The following NAPEPLD variants were observed in gnomAD, a reference collection of about 807,000 sequenced individuals.
The protein encoded by NAPEPLD is N-acyl phosphatidylethanolamine phospholipase D.
In NAPEPLD, 23 loss-of-function variants were observed where a neutral mutation model predicts 38.1. The observed-to-expected ratio is 0.60, with a 90% confidence interval of 0.43 to 0.86. NAPEPLD has a LOEUF of 0.86. NAPEPLD is among the 40% of genes least tolerant of loss of function. NAPEPLD has a pLI of 0.00. For synonymous variants in NAPEPLD, 147 were observed against 162.0 expected (o/e 0.91, Z 0.71); for missense variants, 411 against 476.8 (o/e 0.86, Z 1.28).
chr7:103,107,636 GAAGA>G (rs1803646041), intron 4 of NAPEPLD, among the ~76,000 whole-genome samples: 1 of 151,884 alleles, frequency 6.6e-6, no homozygotes, highest in South Asian at 2.1e-4. Context: ...CGATCAAGCA[GAAGA>G]AAGGATATCA....
chr7:103,129,337 A>G, intron 1 of NAPEPLD: 9 of 984,928 alleles, frequency 9.1e-6, no homozygotes, highest in Non-Finnish European at 1.1e-5. Context: ...CTGTAATCCA[A>G]AACAACATAT....
At chr7:103,107,747 TA>T (rs1424766453) in intron 4 of NAPEPLD, among the ~76,000 whole-genome samples, 12 of 64,678 alleles carry the variant, frequency 1.9e-4, no homozygotes, top group African/African-American at 7.0e-4. Context: ...AATATGTGAC[TA>T]TGTGAAAAGA....
At chr7:103,137,197 A>G (rs1810254263) in intron 1 of NAPEPLD, among the ~76,000 whole-genome samples, 2 of 152,238 alleles carry the variant, frequency 1.3e-5, no homozygotes, top group Non-Finnish European at 2.9e-5. Flanking sequence ...TTGGCCTCCC[A>G]AAGTGCTGGG....
intron 1 of NAPEPLD, among the ~76,000 whole-genome samples, chr7:103,148,315 G>C (rs140521107): frequency 1.1e-3 from 164 of 151,882 alleles, no homozygotes; most frequent in African/African-American, 3.8e-3. Context: ...TAAAGGCAAA[G>C]ACAAGAACTA....
Position 103,103,257 on chromosome 7 carries a change from A to C in NAPEPLD, c.*172T>G. On this transcript the variant is annotated 3_prime_UTR_variant, in exon 5 of 5. Coordinates refer to ENST00000465647, the MANE Select transcript of NAPEPLD (RefSeq NM_001122838.3). ...ACCCCTGAACCCTCTCATAGTGTACATGAGCTGATCATACTAGGAAGCAAG... is the reference window on the plus strand; with the variant it reads ...ACCCCTGAACCCTCTCATAGTGTACCTGAGCTGATCATACTAGGAAGCAAG... 1 of 689,464 alleles carries C rather than the reference A, an allele frequency of 1.5e-6. No individual in the cohort carries two copies. The highest frequency in any genetic ancestry group is 3.6e-5 in the Admixed American group (1 of 27,692). The allele number at this position is 689,464 out of a possible 1,614,324, so 42.7% of individuals were successfully genotyped here.
intron 1 of NAPEPLD, among the ~76,000 whole-genome samples, chr7:103,143,525 G>A (rs1248299716): frequency 6.6e-6 from 1 of 152,102 alleles, no homozygotes; most frequent in Non-Finnish European, 1.5e-5. Context: ...AATGTGATAC[G>A]AGCCTTTTAT....
intron 1 of NAPEPLD, among the ~76,000 whole-genome samples, chr7:103,135,450 A>G (rs539185696): frequency 6.6e-6 from 1 of 152,344 alleles, no homozygotes; most frequent in South Asian, 2.1e-4. Context: ...GAGGGCAGAT[A>G]CATCCAAGCA....
At chr7:103,138,897 A>G (rs1178827774) in intron 1 of NAPEPLD, among the ~76,000 whole-genome samples, 1 of 152,204 alleles carries the variant, frequency 6.6e-6, no homozygotes, top group African/African-American at 2.4e-5. Context: ...CGGCTGCACC[A>G]AAGAGCCAGC....
Position 103,118,536 on chromosome 7 carries a change from A to G in NAPEPLD, c.941+1041T>C, listed in dbSNP as rs573764304. Among the ~76,000 whole-genome samples the G allele has an allele frequency of 3.3e-5, 5 of 152,358 alleles. No individual in the cohort carries two copies. In the South Asian group the frequency reaches 1.0e-3, roughly 32 times the overall value. Reference sequence around the variant, plus strand: ...CAAATAACAAAATCAGATGAAAACAAAAGTTTAGATTCATTCAATTCATCT... The same window carrying G: ...CAAATAACAAAATCAGATGAAAACAGAAGTTTAGATTCATTCAATTCATCT... On this transcript the variant is annotated intron_variant, in intron 3 of 4. Coordinates refer to ENST00000465647, the MANE Select transcript of NAPEPLD (RefSeq NM_001122838.3).
intron 1 of NAPEPLD, among the ~76,000 whole-genome samples, chr7:103,145,855 G>A (rs1324559744): frequency 6.7e-6 from 1 of 150,192 alleles, no homozygotes; most frequent in Non-Finnish European, 1.5e-5. Context: ...TTTACTTTAT[G>A]TGGGGTATTT....
At chr7:103,138,831 T>C (rs926868768) in intron 1 of NAPEPLD, among the ~76,000 whole-genome samples, 5 of 152,194 alleles carry the variant, frequency 3.3e-5, no homozygotes, top group African/African-American at 1.2e-4. Context: ...ATCTGTAAAA[T>C]AGAGGACTGG....
chr7:103,113,381 T>C (rs79140649), intron 4 of NAPEPLD, among the ~76,000 whole-genome samples: 2,647 of 152,244 alleles, frequency 0.017, 38 homozygotes, highest in Non-Finnish European at 0.023. Flanking sequence ...ACAGGAATTT[T>C]GATTAGGGAG....
At chr7:103,106,183 C>G (rs1205983986) in intron 4 of NAPEPLD, among the ~76,000 whole-genome samples, 2 of 152,088 alleles carry the variant, frequency 1.3e-5, no homozygotes, top group Non-Finnish European at 2.9e-5. Flanking sequence ...CCATGAGAGA[C>G]TGTACGGGGA....
Position 103,115,139 on chromosome 7 carries a change from T to C in NAPEPLD, c.977A>G (p.Glu326Gly). Residue 326 changes from glutamate (E) to glycine (G), a missense_variant, in exon 4 of 5, where the codon GAA becomes GGA. Coordinates refer to ENST00000465647, the MANE Select transcript of NAPEPLD (RefSeq NM_001122838.3). ...GACATCAGTGTGAATCCTTACAGCT[T>C]CTTCTGGGTCTACATGCTGGTATTT... ...FMKYQHVDPE[E>G]AVRIHTDVQT... 1 of 1,614,012 alleles carries C rather than the reference T, an allele frequency of 6.2e-7. No individual in the cohort carries two copies.
At chr7:103,132,674 C>T (rs1809187277) in intron 1 of NAPEPLD, among the ~76,000 whole-genome samples, 1 of 151,958 alleles carries the variant, frequency 6.6e-6, no homozygotes, top group Non-Finnish European at 1.5e-5. Flanking sequence ...TGTTGCAGGC[C>T]TGTAGTCCCA....
chr7:103,110,938 A>G (rs570808731), intron 4 of NAPEPLD, among the ~76,000 whole-genome samples: 14 of 152,208 alleles, frequency 9.2e-5, no homozygotes, highest in South Asian at 2.1e-4. Flanking sequence ...AAAAATCACA[A>G]GCAAACTCAA....
At chr7:103,132,114 T>C (rs1217500199) in intron 1 of NAPEPLD, among the ~76,000 whole-genome samples, 2 of 152,022 alleles carry the variant, frequency 1.3e-5, no homozygotes, top group Non-Finnish European at 2.9e-5. Context: ...ATAGCAGGAT[T>C]AAAAAGAAAG....
intron 4 of NAPEPLD, among the ~76,000 whole-genome samples, chr7:103,110,010 C>T (rs530562820): frequency 3.3e-5 from 5 of 152,206 alleles, no homozygotes; most frequent in South Asian, 2.1e-4. Flanking sequence ...CATCCTAAGA[C>T]TAAACCAGGA....
chr7:103,103,321 GT>G lies in NAPEPLD; in HGVS notation c.*107del. On this transcript the variant is annotated 3_prime_UTR_variant, in exon 5 of 5. Transcript: ENST00000465647. Reference sequence around the variant, plus strand: ...CATAAAACATAAACTTGCAGAAGTTGTTTCCAAATGTAAAATAATCACAATA... The same window carrying G: ...CATAAAACATAAACTTGCAGAAGTTGTTCCAAATGTAAAATAATCACAATA... 3.1e-6 allele frequency: 4 copies of G among 1,303,876 alleles called. No individual in the cohort carries two copies. The highest frequency in any genetic ancestry group is 1.0e-6 in the Non-Finnish European group (1 of 960,738). 80.8% of individuals were successfully genotyped at this position (1,303,876 alleles called of 1,614,324 possible).
Sources: allele counts gnomAD v4.1 joint callset (sites outside exome capture counted in the v4.1 genomes callset), GRCh38; gene constraint gnomAD v4.1.1; transcripts MANE v1.5; gene names NCBI Gene and HGNC (gene_info 2026-07-23, HGNC 2026-07-21).